The following CERS6 variants were observed in gnomAD, a reference collection of about 807,000 sequenced individuals.
The protein encoded by CERS6 is ceramide synthase 6.
CERS6 carries 26 observed loss-of-function variants against 56.8 expected under a neutral mutation model. That is an observed-to-expected ratio of 0.46 (90% CI 0.34 to 0.63). CERS6 has a LOEUF of 0.63. Ranked by LOEUF, CERS6 falls within the 30% of genes least tolerant of loss-of-function variation. CERS6 has a pLI of 0.01. For missense variants in CERS6, 415 were observed against 467.5 expected (o/e 0.89, Z 1.04); for synonymous variants, 164 against 173.3 (o/e 0.95, Z 0.42).
At chr2:168,678,422 C>T (rs556621894) in intron 4 of CERS6, among the ~76,000 whole-genome samples, 5 of 152,250 alleles carry the variant, frequency 3.3e-5, no homozygotes, top group South Asian at 2.1e-4. Context: ...CTGGCTGGAT[C>T]GTCAGACTTC....
intron 8 of CERS6, among the ~76,000 whole-genome samples, chr2:168,724,687 C>G (rs1683291339): frequency 6.6e-6 from 1 of 152,126 alleles, no homozygotes; most frequent in Non-Finnish European, 1.5e-5. Flanking sequence ...GGTGCATTCA[C>G]AAACCCTGAG....
intron 1 of CERS6, among the ~76,000 whole-genome samples, chr2:168,511,950 G>GCACACACACA (rs10568314): frequency 6.7e-6 from 1 of 148,540 alleles, no homozygotes; most frequent in African/African-American, 2.5e-5. Context: ...GCATGCACGT[G>GCACACACACA]CACACACACA....
At chr2:168,741,851 A>T (rs531978476) in intron 8 of CERS6, among the ~76,000 whole-genome samples, 1 of 152,216 alleles carries the variant, frequency 6.6e-6, no homozygotes, top group African/African-American at 2.4e-5. Flanking sequence ...TCCTTGGTGC[A>T]GGAGGCATGG....
chr2:168,581,450 A>G (rs1050123744), intron 3 of CERS6, among the ~76,000 whole-genome samples: 5 of 152,044 alleles, frequency 3.3e-5, no homozygotes, highest in Admixed American at 6.6e-5. Flanking sequence ...CACTACCCTC[A>G]TGAGTTCTAA....
chr2:168,490,248 G>C (rs75101554), intron 1 of CERS6, among the ~76,000 whole-genome samples: 11,805 of 152,112 alleles, frequency 0.078, 512 homozygotes, highest in East Asian at 0.18. Flanking sequence ...TAGGGGATTC[G>C]CTTCTCCATT....
intron 1 of CERS6, among the ~76,000 whole-genome samples, chr2:168,495,123 T>G (rs181316497): frequency 3.3e-5 from 5 of 152,320 alleles, no homozygotes; most frequent in Non-Finnish European, 4.4e-5. Context: ...AAAATTGTCC[T>G]CATTGGGAAC....
intron 1 of CERS6, among the ~76,000 whole-genome samples, chr2:168,511,949 T>TGC (rs1304998970): frequency 1.7e-5 from 1 of 59,822 alleles, no homozygotes; most frequent in East Asian, 6.8e-4. Context: ...TGCATGCACG[T>TGC]GCACACACAC....
chr2:168,599,145 G>C (rs1373345669), intron 3 of CERS6, among the ~76,000 whole-genome samples: 1 of 152,156 alleles, frequency 6.6e-6, no homozygotes, highest in Admixed American at 6.5e-5. Flanking sequence ...TGCTTTGAAA[G>C]GTTAAGCAAA....
chr2:168,680,974 C>T (rs187505872), intron 4 of CERS6, among the ~76,000 whole-genome samples: 20 of 152,308 alleles, frequency 1.3e-4, no homozygotes, highest in Non-Finnish European at 8.8e-5. Context: ...GTTTTGGTTA[C>T]CCAGGAGATG....
intron 8 of CERS6, among the ~76,000 whole-genome samples, chr2:168,726,396 A>G (rs959517450): frequency 2.0e-5 from 3 of 152,254 alleles, no homozygotes; most frequent in Admixed American, 6.5e-5. Context: ...AGTTCAATAA[A>G]AAATGGTCAT....
chr2:168,615,577 T>C (rs1684297502), intron 3 of CERS6, among the ~76,000 whole-genome samples: 2 of 148,984 alleles, frequency 1.3e-5, no homozygotes, highest in African/African-American at 4.8e-5. Flanking sequence ...CAAAATGCTC[T>C]GGAAAGTCTC....
rs571434710 is a variant in CERS6 at position 168,551,492 on chromosome 2, T to C, written c.276+3791T>C. On this transcript the variant is annotated intron_variant, in intron 2 of 9. Transcript: ENST00000305747. ...GTCCCTAGGCTGCAGATAGCTCATA[T>C]GTAAAAATCTTTGAATAACCGTCTC... Among the ~76,000 whole-genome samples, 4 of 152,328 alleles carry C rather than the reference T, an allele frequency of 2.6e-5. No homozygotes were observed. In the East Asian group the frequency reaches 5.8e-4, roughly 22 times the overall value.
intron 9 of CERS6, among the ~76,000 whole-genome samples, chr2:168,768,525 G>A (rs58431993): frequency 0.059 from 8,911 of 151,440 alleles, 307 homozygotes; most frequent in African/African-American, 0.09. Context: ...GAGCCACCTC[G>A]CCTGGCTGGG....
At chr2:168,463,373 G>A (rs55783345) in intron 1 of CERS6, among the ~76,000 whole-genome samples, 27,771 of 152,038 alleles carry the variant, frequency 0.18, 3,266 homozygotes, top group Non-Finnish European at 0.26. Context: ...CTACACTGTG[G>A]TTATACCATA....
chr2:168,543,544 A>T (rs1230879789), intron 1 of CERS6, among the ~76,000 whole-genome samples: 1 of 152,188 alleles, frequency 6.6e-6, no homozygotes, highest in Admixed American at 6.5e-5. Flanking sequence ...TGTGTCATGG[A>T]TCTTATTTTG....
At chr2:168,597,860 T>G (rs1273630851) in intron 3 of CERS6, among the ~76,000 whole-genome samples, 3 of 152,208 alleles carry the variant, frequency 2.0e-5, no homozygotes, top group Non-Finnish European at 2.9e-5. Flanking sequence ...TGTGCCAGAG[T>G]GCCTTCTCTT....
At chr2:168,565,408 T>C (rs1314215375) in intron 3 of CERS6, among the ~76,000 whole-genome samples, 4 of 152,200 alleles carry the variant, frequency 2.6e-5, no homozygotes, top group African/African-American at 4.8e-5. Flanking sequence ...ACATCCCTGG[T>C]TAAGAAGAAA....
At chr2:168,644,497 A>G (rs1320594862) in intron 4 of CERS6, among the ~76,000 whole-genome samples, 1 of 152,122 alleles carries the variant, frequency 6.6e-6, no homozygotes, top group African/African-American at 2.4e-5. Context: ...GAGAAAGGAA[A>G]GCTGGTCACA....
intron 1 of CERS6, among the ~76,000 whole-genome samples, chr2:168,544,636 C>T (rs1695430448): frequency 1.3e-5 from 2 of 152,158 alleles, no homozygotes; most frequent in South Asian, 4.1e-4. Context: ...TGAGCTTAGA[C>T]CCCGATCACA....
Sources: allele counts gnomAD v4.1 joint callset (sites outside exome capture counted in the v4.1 genomes callset), GRCh38; gene constraint gnomAD v4.1.1; transcripts MANE v1.5; gene names NCBI Gene and HGNC (gene_info 2026-07-23, HGNC 2026-07-21).